The following CEP85 variants were observed in gnomAD, a reference collection of about 807,000 sequenced individuals.
CEP85 encodes the protein centrosomal protein 85.
Under a neutral mutation model 93.7 loss-of-function variants are expected in CEP85, and 58 were observed. The ratio of observed to expected loss-of-function variants is 0.62; its 90% CI spans 0.50 to 0.77. The LOEUF (loss-of-function observed/expected upper bound fraction) is 0.77, where lower values mean the gene tolerates loss of function less well. CEP85 is among the 30% of genes least tolerant of loss of function. CEP85 has a pLI of 0.00. For synonymous variants in CEP85, 314 were observed against 338.6 expected, an observed-to-expected ratio of 0.93 and a Z score of 0.80; for missense variants, 868 against 922.0, an observed-to-expected ratio of 0.94 and a Z score of 0.76.
At chr1:26,238,658 G>A (rs1488358435) in intron 1 of CEP85, among the ~76,000 whole-genome samples, 1 of 152,150 alleles carries the variant, frequency 6.6e-6, no homozygotes, top group Non-Finnish European at 1.5e-5. Flanking sequence ...AATTATAAGT[G>A]AATTAACATG....
At chr1:26,243,280 A>G (rs1216013171) in intron 2 of CEP85, among the ~76,000 whole-genome samples, 3 of 151,558 alleles carry the variant, frequency 2.0e-5, no homozygotes, top group African/African-American at 7.3e-5. Flanking sequence ...TTGGAACTAT[A>G]TGGTTATTTT....
intron 8 of CEP85, 54 bp from the exon 9 acceptor site, chr1:26,269,406 T>C: frequency 6.4e-7 from 1 of 1,565,850 alleles, no homozygotes. Context: ...AACAAGCATT[T>C]TGCATTTATA....
rs1043094245 is a variant in CEP85 at position 26,244,173 on chromosome 1, T to C, written c.63T>C (p.Asp21=). ...GISHVTSPSS[D]VIQKGSSLGT... Reference sequence around the variant, plus strand: ...AAATGCCTCTTGTTTCAGGTTCCGATGTGATTCAGAAGGGCAGTTCCCTGG... The same window carrying C: ...AAATGCCTCTTGTTTCAGGTTCCGACGTGATTCAGAAGGGCAGTTCCCTGG... The change falls in exon 3 of 14, where the codon GAT becomes GAC. Residue 21 remains aspartate, a synonymous_variant. Transcript: ENST00000451429. 3.7e-6 allele frequency: 6 copies of C among 1,613,150 alleles called. No individual in the cohort carries two copies. Among genetic ancestry groups the C allele is most frequent in the African/African-American group, 2.7e-5 (2 of 74,784 alleles).
intron 1 of CEP85, 68 bp downstream of exon 1, chr1:26,234,378 C>G (rs944049254): frequency 7.9e-5 from 12 of 152,290 alleles, no homozygotes; most frequent in African/African-American, 2.9e-4. Context: ...ATAGCTCCGG[C>G]GAAGCCTCAG....
chr1:26,235,018 C>T (rs2089302857), intron 1 of CEP85, among the ~76,000 whole-genome samples: 1 of 152,200 alleles, frequency 6.6e-6, no homozygotes, highest in Non-Finnish European at 1.5e-5. Context: ...CCCAAAATGT[C>T]AGTAGGGCGG....
rs144485532 is a variant in CEP85, at chr1:26,267,529, A to G, written c.1342-954A>G. 1.1e-3 allele frequency among the ~76,000 whole-genome samples: 174 copies of G among 152,328 alleles called. 1 individual carries two copies. Among genetic ancestry groups the G allele is most frequent in the African/African-American group, 4.1e-3 (169 of 41,566 alleles). Reference sequence around the variant, plus strand: ...CAGTGAGCCAAGATTGCACCATTGCATTCCAGCCTGGGCAACAAGAGCGAA... The same window carrying G: ...CAGTGAGCCAAGATTGCACCATTGCGTTCCAGCCTGGGCAACAAGAGCGAA... On this transcript the variant is annotated intron_variant, in intron 7 of 13. Coordinates refer to ENST00000451429, the MANE Select transcript of CEP85 (RefSeq NM_001319944.2).
intron 2 of CEP85, among the ~76,000 whole-genome samples, chr1:26,241,536 AC>A (rs2089426337): frequency 6.6e-6 from 1 of 151,916 alleles, no homozygotes; most frequent in South Asian, 2.1e-4. Flanking sequence ...GAGCCACTGC[AC>A]CCGGCCTCAG....
intron 3 of CEP85, among the ~76,000 whole-genome samples, chr1:26,249,270 C>T (rs1214167678): frequency 6.6e-6 from 1 of 152,150 alleles, no homozygotes; most frequent in Non-Finnish European, 1.5e-5. Flanking sequence ...TTAGTAAAGA[C>T]GGGGTTTCAC....
In CEP85 at chr1:26,255,588, A is replaced by T; in HGVS notation, c.626A>T (p.Asn209Ile). The change falls in exon 4 of 14, where the codon AAC (asparagine) becomes ATC (isoleucine). Residue 209 changes from asparagine to isoleucine, a missense_variant. Coordinates refer to ENST00000451429, the MANE Select transcript of CEP85 (RefSeq NM_001319944.2). The part of the protein sequence containing the change: ...SDPHHRVRFH[N>I]PRTSTSKELY... The stretch of plus-strand genomic sequence containing the variant: ...CCTCACCACCGAGTCCGCTTCCACA[A>T]CCCAAGAACCAGCACAAGTAAGGAG... 1 of 1,614,126 alleles carries T rather than the reference A, an allele frequency of 6.2e-7. No homozygotes were observed. Among genetic ancestry groups the T allele is most frequent in the Non-Finnish European group, 8.5e-7 (1 of 1,180,024 alleles).
chr1:26,272,243 G>A (rs1259194608), intron 11 of CEP85, 172 bp downstream of exon 11: 1 of 656,362 alleles, frequency 1.5e-6, no homozygotes, highest in African/African-American at 1.8e-5. Flanking sequence ...AAATATAGTA[G>A]GGAGTTTCAG....
intron 6 of CEP85, among the ~76,000 whole-genome samples, chr1:26,258,710 C>G (rs1346752301): frequency 6.6e-6 from 1 of 152,062 alleles, no homozygotes; most frequent in Non-Finnish European, 1.5e-5. Flanking sequence ...AATTCTCCTG[C>G]CTCAGCCTCC....
chr1:26,234,728 A>T (rs2089297892), intron 1 of CEP85, among the ~76,000 whole-genome samples: 5 of 152,192 alleles, frequency 3.3e-5, no homozygotes, highest in Admixed American at 3.3e-4. Flanking sequence ...ATCTAGTCGG[A>T]GAGGTCAGGG....
At chr1:26,254,830 TA>T (rs1298090312) in intron 3 of CEP85, 1 of 239,782 alleles carries the variant, frequency 4.2e-6, no homozygotes, top group Non-Finnish European at 8.1e-6. Flanking sequence ...TCATTTTCCT[TA>T]AGTAAGTAAT....
intron 3 of CEP85, among the ~76,000 whole-genome samples, chr1:26,253,090 G>T (rs1273625925): frequency 1.3e-5 from 2 of 152,000 alleles, no homozygotes. Flanking sequence ...TTATAAGGCT[G>T]GTATTCCGTT....
At chr1:26,242,909 T>C (rs1480890841) in intron 2 of CEP85, among the ~76,000 whole-genome samples, 1 of 152,210 alleles carries the variant, frequency 6.6e-6, no homozygotes, top group Non-Finnish European at 1.5e-5. Context: ...ATCAAGTATT[T>C]ATTGAACACT....
chr1:26,236,896 A>G (rs2089335077), intron 1 of CEP85, among the ~76,000 whole-genome samples: 1 of 152,206 alleles, frequency 6.6e-6, no homozygotes, highest in South Asian at 2.1e-4. Context: ...GTTGGTTGAA[A>G]GTTGTTATCA....
Position 26,255,357 on chromosome 1 carries a change from A to G in CEP85, c.395A>G (p.Asn132Ser). The change falls in exon 4 of 14, where the codon AAT (asparagine) becomes AGT (serine). Residue 132 changes from asparagine to serine, a missense_variant. By Grantham distance (46) the Asn-to-Ser change is conservative. Transcript: ENST00000451429. ...GLAESVGMTR[N>S]GDLGAMKHSP... Reference sequence around the variant, plus strand: ...GCTGAAAGTGTGGGAATGACAAGAAATGGAGACCTCGGTGCAATGAAACAT... The same window carrying G: ...GCTGAAAGTGTGGGAATGACAAGAAGTGGAGACCTCGGTGCAATGAAACAT... 6.2e-7 allele frequency: 1 copy of G among 1,614,086 alleles called. No individual in the cohort carries two copies. Among genetic ancestry groups the G allele is most frequent in the Non-Finnish European group, 8.5e-7 (1 of 1,180,008 alleles).
Position 26,277,381 on chromosome 1 carries a change from A to G in CEP85, c.*88A>G. 3 of 1,349,312 alleles carry G rather than the reference A, an allele frequency of 2.2e-6. No homozygotes were observed. Among genetic ancestry groups the G allele is most frequent in the Non-Finnish European group, 3.1e-6 (3 of 969,856 alleles). 83.6% of individuals were successfully genotyped at this position (1,349,312 alleles called of 1,614,324 possible). A position where few individuals can be genotyped will look rare whatever the true frequency, so the allele number is the denominator to read the frequency against. ...CTGCCCTGACATTCTCTTGTCTGCT[A>G]TTCCCAGAGAGGTCTCAGAGGGGAG... On this transcript the variant is annotated 3_prime_UTR_variant, in exon 14 of 14. Coordinates refer to ENST00000451429, the MANE Select transcript of CEP85 (RefSeq NM_001319944.2).
Position 26,276,730 on chromosome 1 carries a change from C to A in CEP85, c.2098C>A (p.Pro700Thr). The A allele has an allele frequency of 6.2e-7, 1 of 1,614,046 alleles. No homozygotes were observed. Among genetic ancestry groups the A allele is most frequent in the Admixed American group, 1.7e-5 (1 of 60,012 alleles). The change falls in exon 13 of 14, where the codon CCC (proline) becomes ACC (threonine). Residue 700 changes from proline to threonine, a missense_variant. Coordinates refer to ENST00000451429, the MANE Select transcript of CEP85 (RefSeq NM_001319944.2). ...GACCCAGAGGGCCCAGGGCCATGAC[C>A]CCAATCTCTCCCTGCTCCTGGGCAT... ...IVTQRAQGHD[P>T]NLSLLLGIHS...
Sources: allele counts gnomAD v4.1 joint callset (sites outside exome capture counted in the v4.1 genomes callset), GRCh38; gene constraint gnomAD v4.1.1; transcripts MANE v1.5; gene names NCBI Gene and HGNC (gene_info 2026-07-23, HGNC 2026-07-21).